Variants in DZIP3 observed in about 807,000 individuals in gnomAD.
DZIP3 encodes DAZ interacting zinc finger protein 3.
Under a neutral mutation model 162.0 loss-of-function variants are expected in DZIP3, and 118 were observed. That is an observed-to-expected ratio of 0.73 (90% CI 0.63 to 0.85). DZIP3 has a LOEUF of 0.85. Among genes scored for constraint, DZIP3 ranks in the 40% least tolerant of loss-of-function variants. The pLI is 0.00. For synonymous variants in DZIP3, 438 were observed against 458.6 expected (o/e 0.96, Z 0.57); for missense variants, 1,331 against 1,407.0 (o/e 0.95, Z 0.86).
intron 21 of DZIP3, among the ~76,000 whole-genome samples, chr3:108,667,729 A>G (rs1943741493): frequency 6.6e-6 from 1 of 152,142 alleles, no homozygotes; most frequent in Non-Finnish European, 1.5e-5. Flanking sequence ...AAGTTTAACT[A>G]TTTTAAAAAG....
chr3:108,665,363 CAG>C (rs1943623974), intron 21 of DZIP3, among the ~76,000 whole-genome samples: 1 of 151,888 alleles, frequency 6.6e-6, no homozygotes, highest in South Asian at 2.1e-4. Context: ...GTGGAGATGA[CAG>C]AGGATTGAAT....
At chr3:108,689,866 T>G (rs1371016001) in intron 31 of DZIP3, among the ~76,000 whole-genome samples, 1 of 152,144 alleles carries the variant, frequency 6.6e-6, no homozygotes, top group Non-Finnish European at 1.5e-5. Context: ...AAAGAAAGGC[T>G]TTTCAGGGAA....
rs572218923 is a variant in DZIP3 at position 108,611,219 on chromosome 3, C to T, written c.148C>T (p.Leu50=). The T allele has an allele frequency of 1.4e-5, 22 of 1,609,914 alleles. 1 individual carries two copies. Among genetic ancestry groups the T allele is most frequent in the Middle Eastern group, 1.7e-4 (1 of 6,016 alleles). The change falls in exon 4 of 33, where the codon CTA becomes TTA. Residue 50 remains leucine, a synonymous_variant. Coordinates refer to ENST00000361582, the MANE Select transcript of DZIP3 (RefSeq NM_014648.4). ...ACCTACTGATCTTGTCCCTGTTAAC[C>T]TACTATTAGAAGTGAAGAAGTTATT... is the stretch of plus-strand genomic sequence containing the variant. ...DIPTDLVPVN[L]LLEVKKLLNA...
At position 108,605,438 on chromosome 3, in the gene DZIP3, G is replaced by A; in HGVS notation, c.32G>A (p.Arg11Lys). The A allele has an allele frequency of 6.2e-7, 1 of 1,613,076 alleles. No homozygotes were observed. Among genetic ancestry groups the A allele is most frequent in the Non-Finnish European group, 8.5e-7 (1 of 1,179,576 alleles). The change falls in exon 2 of 33, where the codon AGG becomes AAG. Residue 11 changes from arginine (R) to lysine (K), a missense_variant and splice_region_variant. Physicochemically the swap from Arg to Lys is conservative, Grantham distance 26. Around this residue, in one of 2 missense-constraint regions of DZIP3, gnomAD observed 1,278 missense variants for 1,317.1 expected, o/e 0.97. Coordinates refer to ENST00000361582, the MANE Select transcript of DZIP3 (RefSeq NM_014648.4). MDSLPDEFFVRHPAVEDQRKE... is the reference protein window; with the variant it reads MDSLPDEFFVKHPAVEDQRKE... ...TCTCTACCAGATGAATTTTTTGTGA[G>A]GTAAGGCCACAGTCCCCAACCTTTT...
In DZIP3 at chr3:108,688,772, A is replaced by G. The variant is rs762195008; in HGVS notation, c.3414+36A>G. 3 of 1,613,790 alleles carry G rather than the reference A, an allele frequency of 1.9e-6. No individual in the cohort carries two copies. In the African/African-American group the frequency reaches 4.0e-5, roughly 22 times the overall value. On this transcript the variant is annotated intron_variant, in intron 30 of 32. Transcript: ENST00000361582. ...AATTTTTGATTCTGAACACATTTAG[A>G]TTTGGGAGAAAACAATGAGCTAAAT...
At chr3:108,642,624 A>T in intron 13 of DZIP3, 110 bp downstream of exon 13, 2 of 1,213,594 alleles carry the variant, frequency 1.6e-6, no homozygotes, top group Admixed American at 3.3e-5. Flanking sequence ...TTTGTCATTC[A>T]CTGAGCTTGG....
At chr3:108,596,327 A>T (rs1280864219) in intron 1 of DZIP3, among the ~76,000 whole-genome samples, 1 of 152,144 alleles carries the variant, frequency 6.6e-6, no homozygotes, top group African/African-American at 2.4e-5. Context: ...TCCAGGAGAG[A>T]TTGAGTAGGC....
intron 19 of DZIP3, among the ~76,000 whole-genome samples, chr3:108,658,573 TA>T (rs1943258422): frequency 6.6e-6 from 1 of 151,370 alleles, no homozygotes; most frequent in Admixed American, 6.6e-5. Flanking sequence ...ACATCACAAT[TA>T]AAAGAACTAG....
intron 10 of DZIP3, chr3:108,635,353 TA>T: frequency 3.3e-6 from 1 of 306,896 alleles, no homozygotes; most frequent in Non-Finnish European, 6.4e-6. Context: ...ACAGAAAGGA[TA>T]ATTATACAGT....
intron 8 of DZIP3, among the ~76,000 whole-genome samples, chr3:108,631,983 TA>T (rs1467659641): frequency 2.0e-5 from 3 of 152,108 alleles, no homozygotes; most frequent in African/African-American, 2.4e-5. Context: ...TTTCTCAAGA[TA>T]TTTTTTTCTA....
intron 5 of DZIP3, among the ~76,000 whole-genome samples, chr3:108,623,145 C>T (rs933213058): frequency 5.9e-5 from 9 of 151,864 alleles, no homozygotes; most frequent in Admixed American, 4.6e-4. Flanking sequence ...CCTGGAAGCC[C>T]ACTTGGTGTT....
chr3:108,660,340 C>A (rs1943361527), intron 19 of DZIP3, among the ~76,000 whole-genome samples: 1 of 152,166 alleles, frequency 6.6e-6, no homozygotes, highest in African/African-American at 2.4e-5. Context: ...TGCCACATAT[C>A]TACAACTATC....
intron 1 of DZIP3, among the ~76,000 whole-genome samples, chr3:108,594,449 A>G (rs987229345): frequency 9.3e-6 from 1 of 107,312 alleles, no homozygotes; most frequent in African/African-American, 3.7e-5. Context: ...CCCCATATAT[A>G]TATAACTTTC....
chr3:108,595,007 A>G (rs1347672376), intron 1 of DZIP3, among the ~76,000 whole-genome samples: 2 of 152,204 alleles, frequency 1.3e-5, no homozygotes, highest in African/African-American at 4.8e-5. Flanking sequence ...GCTAATAGTC[A>G]TTTATTCATC....
intron 1 of DZIP3, among the ~76,000 whole-genome samples, chr3:108,596,390 A>C (rs1435396340): frequency 6.6e-6 from 1 of 152,206 alleles, no homozygotes; most frequent in African/African-American, 2.4e-5. Context: ...TAGAAATTGA[A>C]AGCCTTGAGA....
Position 108,688,731 on chromosome 3 carries a change from A to G in DZIP3, c.3409A>G (p.Asn1137Asp). Residue 1137 changes from asparagine (N) to aspartate (D), a missense_variant, in exon 30 of 33, where the codon AAT becomes GAT. Asn to Asp is a conservative substitution (Grantham distance 23). This residue lies in a region of DZIP3 where 53 missense variants were observed against 89.9 expected (regional missense o/e 0.59). Transcript: ENST00000361582. ...QGPATWEGAS[N>D]PDEEEEEEEP... ...TCCTGCCACATGGGAAGGAGCCAGT[A>G]ATCCAGTGAGACTGAAATTTTTGAT... 1 of 1,613,992 alleles carries G rather than the reference A, an allele frequency of 6.2e-7. No individual in the cohort carries two copies.
intron 12 of DZIP3, among the ~76,000 whole-genome samples, chr3:108,641,068 TA>T (rs1942380025): frequency 6.6e-6 from 1 of 152,150 alleles, no homozygotes; most frequent in Admixed American, 6.5e-5. Flanking sequence ...TGGTTTGGTT[TA>T]TTAGTTTTAC....
Position 108,642,463 on chromosome 3 carries a change from A to G in DZIP3, c.1090A>G (p.Ile364Val). 1 of 1,487,724 alleles carries G rather than the reference A, an allele frequency of 6.7e-7. No individual in the cohort carries two copies. The highest frequency in any genetic ancestry group is 9.1e-7 in the Non-Finnish European group (1 of 1,097,558). The allele number at this position is 1,487,724 out of a possible 1,614,324, so 92.2% of individuals were successfully genotyped here. ...ASYRKLISLK[I>V]TDTDIRPKIS... ...TTATAGAAAGTTGATATCTCTGAAA[A>G]TAACTGATACTGATATAAGACCGAA... Residue 364 changes from isoleucine to valine, a missense_variant, in exon 13 of 33, where the codon ATA (isoleucine) becomes GTA (valine). By Grantham distance (29) the Ile-to-Val change is conservative. Coordinates refer to ENST00000361582, the MANE Select transcript of DZIP3 (RefSeq NM_014648.4).
At chr3:108,686,392 T>C in intron 27 of DZIP3, 53 bp from the exon 28 acceptor site, 1 of 1,453,764 alleles carries the variant, frequency 6.9e-7, no homozygotes, top group Non-Finnish European at 9.1e-7. Context: ...GGTATAGGAA[T>C]GTCACTTCTT....
Sources: allele counts gnomAD v4.1 joint callset (sites outside exome capture counted in the v4.1 genomes callset), GRCh38; gene constraint gnomAD v4.1.1; regional missense constraint gnomAD v4.1.1; transcripts MANE v1.5; gene names NCBI Gene and HGNC (gene_info 2026-07-23, HGNC 2026-07-21).